The following CARD8 variants were observed in gnomAD, a reference collection of about 807,000 sequenced individuals.
CARD8 encodes the protein caspase recruitment domain-containing protein 8.
A neutral mutation model predicts 53.2 loss-of-function variants in CARD8; 38 were observed. The observed-to-expected ratio is 0.71, with a 90% CI of 0.55 to 0.94. The LOEUF is 0.94. Among genes scored for constraint, CARD8 ranks in the 40% least tolerant of loss-of-function variants. The pLI is 0.00. For synonymous variants in CARD8, 245 were observed against 244.9 expected (o/e 1.00, Z 0.00); for missense variants, 561 against 655.5 (o/e 0.86, Z 1.57).
intron 10 of CARD8, among the ~76,000 whole-genome samples, chr19:48,226,469 C>T (rs2041811568): frequency 6.6e-6 from 1 of 152,192 alleles, no homozygotes; most frequent in Non-Finnish European, 1.5e-5. Flanking sequence ...AAGTGATCTG[C>T]TTGCCTCGGC....
intron 1 of CARD8, among the ~76,000 whole-genome samples, chr19:48,253,128 G>T (rs567485174): frequency 6.6e-6 from 1 of 152,176 alleles, no homozygotes; most frequent in Non-Finnish European, 1.5e-5. Context: ...ACAGGAAAAC[G>T]TATATGTACA....
rs187404227 is a variant in CARD8 at position 48,244,414 on chromosome 19, C to T, written c.-43-3351G>A. On this transcript the variant is annotated intron_variant, in intron 3 of 13. Transcript: ENST00000651546. ...AAAACTGTGTTAAGTCAGGGTGAAG[C>T]ATGGCGGAGGAACAGGGAGGAAGTG... is the stretch of plus-strand genomic sequence containing the variant. 1.6e-3 allele frequency among the ~76,000 whole-genome samples: 239 copies of T among 152,298 alleles called. 2 individuals carry two copies. The highest frequency in any genetic ancestry group is 5.5e-3 in the African/African-American group (230 of 41,558).
At chr19:48,252,361 CA>C (rs963229240) in intron 1 of CARD8, among the ~76,000 whole-genome samples, 32 of 151,862 alleles carry the variant, frequency 2.1e-4, no homozygotes, top group African/African-American at 7.5e-4. Flanking sequence ...ACATTGCTGA[CA>C]AGTTTAAATT....
rs184164831 is a variant in CARD8 at position 48,208,611 on chromosome 19, A to G, written c.*3099T>C. Reference sequence around the variant, plus strand: ...CCACTTGTCTGGCAAATGACAACTCAGTGGACACCAAACACTGAATAACAT... The same window carrying G: ...CCACTTGTCTGGCAAATGACAACTCGGTGGACACCAAACACTGAATAACAT... On this transcript the variant is annotated 3_prime_UTR_variant, in exon 14 of 14. Transcript: ENST00000651546. The G allele has an allele frequency of 6.6e-6, 1 of 152,326 alleles. No homozygotes were observed. The highest frequency in any genetic ancestry group is 2.4e-5 in the African/African-American group (1 of 41,576). 9.4% of individuals were successfully genotyped at this position (152,326 alleles called of 1,614,324 possible). A position where few individuals can be genotyped will look rare whatever the true frequency, so the allele number is the denominator to read the frequency against.
downstream of CARD8, chr19:48,204,059 G>C (rs963821420): frequency 2.4e-6 from 1 of 423,892 alleles, no homozygotes; most frequent in Non-Finnish European, 4.8e-6. Flanking sequence ...GAGGAGTGGG[G>C]AGGAGCTCTT....
At chr19:48,205,509 C>T (rs1215021936), downstream of CARD8, among the ~76,000 whole-genome samples, 1 of 152,094 alleles carries the variant, frequency 6.6e-6, no homozygotes, top group Non-Finnish European at 1.5e-5. Flanking sequence ...GGATTATAGG[C>T]GTGAGCCACT....
At chr19:48,227,669 GGT>G (rs996103887) in intron 10 of CARD8, among the ~76,000 whole-genome samples, 5 of 151,952 alleles carry the variant, frequency 3.3e-5, no homozygotes, top group African/African-American at 1.2e-4. Flanking sequence ...CAGGTGTGGT[GGT>G]GTGTGCCTGT....
chr19:48,252,497 A>AC (rs1456688254), intron 1 of CARD8, among the ~76,000 whole-genome samples: 24 of 140,226 alleles, frequency 1.7e-4, no homozygotes, highest in African/African-American at 6.1e-4. Context: ...TAATATATAT[A>AC]ATTTTTTTTT....
At chr19:48,238,755 CAT>C (rs1408855963) in intron 4 of CARD8, among the ~76,000 whole-genome samples, 1 of 151,786 alleles carries the variant, frequency 6.6e-6, no homozygotes, top group Non-Finnish European at 1.5e-5. Context: ...CATGCCCATC[CAT>C]AGAGATGCCA....
intron 1 of CARD8, among the ~76,000 whole-genome samples, chr19:48,251,287 CAT>C (rs2046903374): frequency 6.6e-6 from 1 of 152,170 alleles, no homozygotes; most frequent in African/African-American, 2.4e-5. Flanking sequence ...ATGAAAGTCT[CAT>C]TATGATATAG....
intron 10 of CARD8, among the ~76,000 whole-genome samples, chr19:48,230,007 A>G (rs1284138303): frequency 3.3e-5 from 5 of 152,062 alleles, no homozygotes; most frequent in Non-Finnish European, 2.9e-5. Flanking sequence ...CAGCTACTCA[A>G]GAGGCTGAGG....
At chr19:48,241,856 C>T (rs545249035) in intron 3 of CARD8, among the ~76,000 whole-genome samples, 5 of 152,016 alleles carry the variant, frequency 3.3e-5, no homozygotes, top group Non-Finnish European at 7.4e-5. Flanking sequence ...GTTCACAAAC[C>T]ACACAATTCA....
chr19:48,221,356 T>C (rs1177870554), intron 11 of CARD8, among the ~76,000 whole-genome samples: 1 of 152,232 alleles, frequency 6.6e-6, no homozygotes, highest in African/African-American at 2.4e-5. Flanking sequence ...TTTAAAAATA[T>C]ATAAAATGAA....
At chr19:48,231,093 G>C in intron 8 of CARD8, 87 bp from the exon 9 acceptor site, 1 of 1,092,180 alleles carries the variant, frequency 9.2e-7, no homozygotes, top group South Asian at 1.4e-5. Flanking sequence ...GGGATTTGAA[G>C]TGAGGCAAGG....
At chr19:48,241,876 G>A (rs984338722) in intron 3 of CARD8, among the ~76,000 whole-genome samples, 3 of 151,984 alleles carry the variant, frequency 2.0e-5, no homozygotes, top group African/African-American at 7.2e-5. Flanking sequence ...ACCCACATAA[G>A]TCTACAATTC....
In CARD8 at chr19:48,218,997, A is replaced by AG; in HGVS notation, c.1176dup (p.Tyr393LeufsTer25). 1 of 1,614,110 alleles carries AG rather than the reference A, an allele frequency of 6.2e-7. No homozygotes were observed. The highest frequency in any genetic ancestry group is 1.7e-5 in the Admixed American group (1 of 60,016). ...TGCTGAATTTCTCCAGGGCTCCTGTAGGACAATTTCAACTCCTAGAGGAAA... is the reference window on the plus strand; with the variant it reads ...TGCTGAATTTCTCCAGGGCTCCTGTAGGGACAATTTCAACTCCTAGAGGAAA... On this transcript the variant is annotated frameshift_variant, in exon 12 of 14. Coordinates refer to ENST00000651546, the MANE Select transcript of CARD8 (RefSeq NM_001184900.3). LOFTEE classifies it high-confidence loss of function.
intron 3 of CARD8, 62 bp from the exon 4 acceptor site, chr19:48,241,125 C>A: frequency 1.1e-6 from 1 of 894,882 alleles, no homozygotes; most frequent in East Asian, 2.6e-5. Flanking sequence ...TAAATCTTAG[C>A]TTCTGTGTCT....
intron 10 of CARD8, among the ~76,000 whole-genome samples, chr19:48,229,564 G>T (rs555914813): frequency 1.3e-5 from 2 of 152,164 alleles, no homozygotes; most frequent in African/African-American, 4.8e-5. Flanking sequence ...AGCATTAGAC[G>T]GGGGGACGAT....
intron 8 of CARD8, 140 bp from the exon 9 acceptor site, chr19:48,231,146 G>T: frequency 3.0e-6 from 2 of 667,760 alleles, no homozygotes; most frequent in Non-Finnish European, 2.6e-6. Flanking sequence ...GAAAACGCTG[G>T]GGAGTTCATT....
Sources: gnomAD v4.1 joint callset for allele counts (sites outside exome capture counted in the v4.1 genomes callset) on GRCh38, gnomAD v4.1.1 for gene constraint, MANE v1.5 for transcripts, NCBI Gene and HGNC (gene_info 2026-07-23, HGNC 2026-07-21) for gene names.